Variants in CHD9 observed in about 807,000 individuals in gnomAD.
CHD9 encodes chromodomain helicase DNA binding protein 9.
CHD9 carries 77 observed loss-of-function variants against 316.1 expected under a neutral mutation model. The observed-to-expected ratio is 0.24, with a 90% CI of 0.20 to 0.29. CHD9 has a LOEUF of 0.29. Among genes scored for constraint, CHD9 ranks in the 10% least tolerant of loss-of-function variants. The pLI, the probability that CHD9 is intolerant of heterozygous loss-of-function variation, is 1.00. For missense variants in CHD9, 2,763 were observed against 3,438.1 expected (o/e 0.80, Z 4.91); for synonymous variants, 1,129 against 1,158.3 (o/e 0.97, Z 0.51).
intron 29 of CHD9, among the ~76,000 whole-genome samples, chr16:53,295,858 C>T (rs1383557923): frequency 6.6e-6 from 1 of 152,152 alleles, no homozygotes; most frequent in East Asian, 1.9e-4. Context: ...CTAAGGTTTG[C>T]AGATCTATGG....
At chr16:53,142,817 C>T (rs768257641) in intron 1 of CHD9, among the ~76,000 whole-genome samples, 3 of 152,202 alleles carry the variant, frequency 2.0e-5, no homozygotes, top group Admixed American at 2.0e-4. Flanking sequence ...CAGAATACCA[C>T]AGACTGGTTA....
chr16:53,065,595 C>T (rs950351700), intron 1 of CHD9, among the ~76,000 whole-genome samples: 1 of 144,606 alleles, frequency 6.9e-6, no homozygotes, highest in Non-Finnish European at 1.5e-5. Context: ...GATCACACCA[C>T]TGCACTCCAG....
chr16:53,301,622 C>G (rs1039677507), intron 30 of CHD9, among the ~76,000 whole-genome samples: 3 of 152,094 alleles, frequency 2.0e-5, no homozygotes, highest in African/African-American at 7.2e-5. Flanking sequence ...CACCTTGTTT[C>G]CTGCTCCATA....
chr16:53,090,153 C>T (rs1218493238), intron 1 of CHD9, among the ~76,000 whole-genome samples: 3 of 152,142 alleles, frequency 2.0e-5, no homozygotes, highest in East Asian at 1.9e-4. Context: ...AACCGGAGTC[C>T]CTCCTCTGCC....
chr16:53,305,500 C>T (rs1218801244), intron 31 of CHD9, among the ~76,000 whole-genome samples: 1 of 152,186 alleles, frequency 6.6e-6, no homozygotes, highest in East Asian at 1.9e-4. Context: ...AGAAATTTTA[C>T]ACAGTAGTTT....
At chr16:53,207,383 T>C (rs1359963118) in intron 2 of CHD9, among the ~76,000 whole-genome samples, 1 of 152,208 alleles carries the variant, frequency 6.6e-6, no homozygotes, top group Non-Finnish European at 1.5e-5. Flanking sequence ...CAGAAAGGTT[T>C]TTTATGTTAC....
At chr16:53,249,276 A>G (rs1185392469) in intron 16 of CHD9, among the ~76,000 whole-genome samples, 1 of 152,206 alleles carries the variant, frequency 6.6e-6, no homozygotes, top group Non-Finnish European at 1.5e-5. Context: ...TACCACTTAG[A>G]GTCCAAGCTC....
intron 2 of CHD9, among the ~76,000 whole-genome samples, chr16:53,200,692 A>G (rs2045380865): frequency 6.6e-6 from 1 of 152,222 alleles, no homozygotes; most frequent in African/African-American, 2.4e-5. Context: ...GGGCAAATGT[A>G]TATGGGAAAC....
At chr16:53,184,058 C>T (rs1260698775) in intron 2 of CHD9, among the ~76,000 whole-genome samples, 2 of 151,992 alleles carry the variant, frequency 1.3e-5, no homozygotes, top group Non-Finnish European at 2.9e-5. Context: ...CATTCTCCTG[C>T]CTCAGCCTCC....
At chr16:53,089,058 G>A (rs1480947169) in intron 1 of CHD9, among the ~76,000 whole-genome samples, 1 of 152,082 alleles carries the variant, frequency 6.6e-6, no homozygotes, top group African/African-American at 2.4e-5. Context: ...GTTGCAGTGA[G>A]CCGAGATCGT....
chr16:53,314,434 T>C lies in CHD9; in HGVS notation c.7280T>C (p.Ile2427Thr), dbSNP rs780169458. 3 of 1,590,064 alleles carry C rather than the reference T, an allele frequency of 1.9e-6. No individual in the cohort carries two copies. Among genetic ancestry groups the C allele is most frequent in the Admixed American group, 1.8e-5 (1 of 56,514 alleles). ...GGTGTGATATTAGACAACCAGCCTA[T>C]AGTCAAAAAAAGGCGAGGAAGGAGG... ...ANGVILDNQP[I>T]VKKRRGRRKN... Residue 2427 changes from isoleucine to threonine, a missense_variant, in exon 35 of 39, where the codon ATA (isoleucine) becomes ACA (threonine). Coordinates refer to ENST00000447540, the MANE Select transcript of CHD9 (RefSeq NM_001308319.2).
chr16:53,147,932 G>T (rs954283419), intron 1 of CHD9, among the ~76,000 whole-genome samples: 2 of 152,066 alleles, frequency 1.3e-5, no homozygotes, highest in Non-Finnish European at 2.9e-5. Flanking sequence ...GGCCAGGCGC[G>T]GTGGCCCATG....
chr16:53,210,393 G>T (rs147674542), intron 3 of CHD9, among the ~76,000 whole-genome samples: 1 of 151,508 alleles, frequency 6.6e-6, no homozygotes, highest in South Asian at 2.1e-4. Context: ...ACGTAATAAA[G>T]AGGCCAGGTG....
At chr16:53,228,354 GTT>G (rs945218104) in intron 7 of CHD9, among the ~76,000 whole-genome samples, 33 of 147,852 alleles carry the variant, frequency 2.2e-4, no homozygotes, top group Admixed American at 2.2e-3. Flanking sequence ...AAAAAAAAAA[GTT>G]TTTTTTTTCC....
intron 1 of CHD9, among the ~76,000 whole-genome samples, chr16:53,072,508 C>T (rs2034172958): frequency 6.6e-6 from 1 of 150,398 alleles, no homozygotes. Context: ...CTCAAGCGAC[C>T]CCCAACCCCA....
At position 53,104,986 on chromosome 16, in the gene CHD9, T is replaced by TA. The variant is rs138856068; in HGVS notation, c.-165+49918dup. On this transcript the variant is annotated intron_variant, in intron 1 of 38. Coordinates refer to ENST00000447540, the MANE Select transcript of CHD9 (RefSeq NM_001308319.2). ...GTAGCTAAGACCATGACTGGCTAAT[T>TA]AAAAAAAAACAAAAAAACAAAAAAA... Among the ~76,000 whole-genome samples the TA allele has an allele frequency of 4.1e-3, 538 of 132,476 alleles. 1 individual carries two copies. The highest frequency in any genetic ancestry group is 7.5e-3 in the African/African-American group (296 of 39,706). The allele number at this position is 132,476 out of a possible 152,430, so 86.9% of individuals were successfully genotyped here.
chr16:53,274,705 G>T (rs368982633), intron 24 of CHD9, among the ~76,000 whole-genome samples: 5 of 151,802 alleles, frequency 3.3e-5, no homozygotes, highest in Non-Finnish European at 5.9e-5. Context: ...TGATCCATCC[G>T]CCTTGGCCCC....
Position 53,307,354 on chromosome 16 carries a change from A to G in CHD9, c.6781-327A>G, listed in dbSNP as rs575950528. ...CACAATTTTTTAATTTTTTGCAGAG[A>G]CAGGGTTTTGCTATGTTTCCCAGGC... On this transcript the variant is annotated intron_variant, in intron 32 of 38. Transcript: ENST00000447540. Among the ~76,000 whole-genome samples, 12 of 152,042 alleles carry G rather than the reference A, an allele frequency of 7.9e-5. No homozygotes were observed. In the East Asian group the frequency reaches 1.9e-3, roughly 25 times the overall value.
chr16:53,156,346 T>C lies in CHD9; in HGVS notation c.257T>C (p.Phe86Ser). ...SIKFHHVNQSFGSPAEHVLSP... is the reference protein window; with the variant it reads ...SIKFHHVNQSSGSPAEHVLSP... ...AAATTTCACCATGTTAATCAATCTT[T>C]TGGTAGCCCAGCTGAACATGTGTTA... The change falls in exon 2 of 39, where the codon TTT becomes TCT. Residue 86 changes from phenylalanine to serine, a missense_variant. Phe to Ser is a radical substitution (Grantham distance 155). Transcript: ENST00000447540. 6.2e-7 allele frequency: 1 copy of C among 1,614,030 alleles called. No individual in the cohort carries two copies. The highest frequency in any genetic ancestry group is 8.5e-7 in the Non-Finnish European group (1 of 1,179,886).
Sources: allele counts gnomAD v4.1 joint callset (sites outside exome capture counted in the v4.1 genomes callset), GRCh38; gene constraint gnomAD v4.1.1; transcripts MANE v1.5; gene names NCBI Gene and HGNC (gene_info 2026-07-23, HGNC 2026-07-21).